KDM2B: variants seen among roughly 807,000 people sequenced by gnomAD.
KDM2B encodes the protein lysine-specific demethylase 2B.
Under a neutral mutation model 150.0 loss-of-function variants are expected in KDM2B, and 26 were observed. That is an observed-to-expected ratio of 0.17 (90% CI 0.13 to 0.24). The LOEUF (loss-of-function observed/expected upper bound fraction) is 0.24, where lower values mean the gene tolerates loss of function less well. Among genes scored for constraint, KDM2B ranks in the 10% least tolerant of loss-of-function variants. The probability of loss-of-function intolerance (pLI) is 1.00; values close to 1 mark genes in which losing one functional copy is unlikely to be tolerated. For synonymous variants in KDM2B, 734 were observed against 729.5 expected, an observed-to-expected ratio of 1.01 and a Z score of -0.10; for missense variants, 1,265 against 1,816.9, an observed-to-expected ratio of 0.70 and a Z score of 5.52.
At position 121,430,133 on chromosome 12, in the gene KDM2B, G is replaced by A. The variant is rs879988836; in HGVS notation, c.*155C>T. ...GTGTCGGCTCACTCATCCCCCAAAC[G>A]GGTGGTTGAACAGCTTCTCCCTTGG... is the stretch of plus-strand genomic sequence containing the variant. On this transcript the variant is annotated 3_prime_UTR_variant, in exon 23 of 23. Transcript: ENST00000377071. The surrounding 1 kb of genome is among the most constrained non-coding windows in gnomAD (Gnocchi z 4.4). 1.6e-5 allele frequency: 26 copies of A among 1,613,638 alleles called. No individual in the cohort carries two copies. Among genetic ancestry groups the A allele is most frequent in the Admixed American group, 1.0e-4 (6 of 59,996 alleles).
At chr12:121,470,253 AAC>A (rs1880627993) in intron 12 of KDM2B, 1 of 152,182 alleles carries the variant, frequency 6.6e-6, no homozygotes, top group Non-Finnish European at 1.5e-5. Context: ...GAAGTAAAAA[AAC>A]ACAATTCTCA....
chr12:121,465,922 T>C (rs1879838795), intron 12 of KDM2B, among the ~76,000 whole-genome samples: 1 of 152,134 alleles, frequency 6.6e-6, no homozygotes, highest in African/African-American at 2.4e-5. Flanking sequence ...TTAATAAAAG[T>C]TCAAGCCAAA....
At chr12:121,543,073 C>A (rs1168838894) in intron 6 of KDM2B, among the ~76,000 whole-genome samples, 1 of 152,172 alleles carries the variant, frequency 6.6e-6, no homozygotes, top group South Asian at 2.1e-4. Context: ...TGAGGCCCGG[C>A]GCAGTGGGTC....
chr12:121,416,184 C>T, the KDM2B span: 2 of 1,614,102 alleles, frequency 1.2e-6, no homozygotes, highest in Admixed American at 1.7e-5. Context: ...ATGTGGGCTT[C>T]GTGCTGTGGG....
intron 12 of KDM2B, among the ~76,000 whole-genome samples, chr12:121,471,070 ATC>A (rs1441766409): frequency 2.0e-5 from 3 of 152,250 alleles, no homozygotes; most frequent in African/African-American, 4.8e-5. Flanking sequence ...ATTATCCAAT[ATC>A]TGTTTTGTAT....
chr12:121,500,657 G>T (rs1050525333), intron 11 of KDM2B, among the ~76,000 whole-genome samples: 5 of 152,200 alleles, frequency 3.3e-5, no homozygotes, highest in Admixed American at 1.3e-4. Flanking sequence ...TCCTGCTCTG[G>T]GGAACCAGCA....
At chr12:121,527,528 C>T (rs1887255076) in intron 8 of KDM2B, among the ~76,000 whole-genome samples, 2 of 150,378 alleles carry the variant, frequency 1.3e-5, no homozygotes, top group African/African-American at 4.9e-5. Flanking sequence ...GTGGCAGGCG[C>T]CTGTAGTCCC....
chr12:121,434,922 A>C (rs1555286397), intron 22 of KDM2B, among the ~76,000 whole-genome samples: 1 of 152,172 alleles, frequency 6.6e-6, no homozygotes, highest in Non-Finnish European at 1.5e-5. Context: ...GCACCACTGC[A>C]CTCAAACCTG....
intron 22 of KDM2B, among the ~76,000 whole-genome samples, chr12:121,434,867 G>T (rs1298219107): frequency 1.3e-5 from 2 of 152,190 alleles, no homozygotes; most frequent in Non-Finnish European, 2.9e-5. Context: ...TGAGGCATGA[G>T]AATCACATGA....
chr12:121,444,291 AGAAT>A lies in KDM2B; in HGVS notation c.2191-23_2191-20del. On this transcript the variant is annotated intron_variant, in intron 15 of 22. Transcript: ENST00000377071. ...GCTTTTGCTTGTAGGCCAAAAAGAG[AGAAT>A]GAACAGACCAACTGTATACCTTTGG... 1 of 1,613,208 alleles carries A rather than the reference AGAAT, an allele frequency of 6.2e-7. No individual in the cohort carries two copies. The highest frequency in any genetic ancestry group is 8.5e-7 in the Non-Finnish European group (1 of 1,179,568).
chr12:121,439,185 C>G (rs1047419462), intron 22 of KDM2B, among the ~76,000 whole-genome samples: 22 of 152,262 alleles, frequency 1.4e-4, no homozygotes, highest in African/African-American at 5.1e-4. Flanking sequence ...AACCAAGCTC[C>G]CTCCTGCCCA....
At chr12:121,494,513 T>C in intron 12 of KDM2B, 66 bp downstream of exon 12, 2 of 1,296,176 alleles carry the variant, frequency 1.5e-6, no homozygotes, top group Admixed American at 1.9e-5. Context: ...GTCGCGGCTG[T>C]TCACCCTACA....
intron 12 of KDM2B, among the ~76,000 whole-genome samples, chr12:121,485,514 T>C (rs1882656289): frequency 6.6e-6 from 1 of 152,098 alleles, no homozygotes; most frequent in African/African-American, 2.4e-5. Flanking sequence ...ACTGATCCAC[T>C]GTTATGAGAC....
Position 121,513,134 on chromosome 12 carries a change from C to T in KDM2B, c.1174+142G>A. The T allele has an allele frequency of 1.1e-6, 1 of 915,706 alleles. No homozygotes were observed. Among genetic ancestry groups the T allele is most frequent in the Non-Finnish European group, 1.6e-6 (1 of 615,848 alleles). The allele number at this position is 915,706 out of a possible 1,614,324, so 56.7% of individuals were successfully genotyped here. ...TGGGAAACTGGCAAGAATGGCTTCC[C>T]CTGAGGGGTTCCTAGGATTCTGCCC... On this transcript the variant is annotated intron_variant, in intron 10 of 22. Transcript: ENST00000377071. This position sits in a 1 kb window ranked among gnomAD's most constrained non-coding sequence, Gnocchi z 5.0.
chr12:121,518,135 C>T lies in KDM2B; in HGVS notation c.1047+2850G>A, dbSNP rs1214146336. Among the ~76,000 whole-genome samples the T allele has an allele frequency of 1.3e-5, 2 of 152,130 alleles. No individual in the cohort carries two copies. The highest frequency in any genetic ancestry group is 1.3e-4 in the Admixed American group (2 of 15,276). On this transcript the variant is annotated intron_variant, in intron 9 of 22. Coordinates refer to ENST00000377071, the MANE Select transcript of KDM2B (RefSeq NM_032590.5). This position sits in a 1 kb window ranked among gnomAD's most constrained non-coding sequence, Gnocchi z 4.4. ...CTCGAACCCCTGACCTCAGATCATC[C>T]GCCCGCCTTGGCCTCCCAAAGTGCT...
chr12:121,428,736 T>A (rs1382023042), downstream of KDM2B, among the ~76,000 whole-genome samples: 7 of 152,344 alleles, frequency 4.6e-5, no homozygotes, highest in Admixed American at 3.3e-4. Context: ...GGTTTCTGCA[T>A]CTGCCACTTG....
intron 11 of KDM2B, among the ~76,000 whole-genome samples, chr12:121,504,608 G>A (rs886765130): frequency 2.0e-5 from 3 of 152,120 alleles, no homozygotes; most frequent in Admixed American, 6.6e-5. Context: ...AAGCAGATTC[G>A]CAGTGAAGAG....
chr12:121,579,098 G>T (rs1288360143), intron 1 of KDM2B, 152 bp from the exon 2 acceptor site: 25 of 836,462 alleles, frequency 3.0e-5, no homozygotes, highest in Non-Finnish European at 4.4e-5. Flanking sequence ...TGCCAAAGAT[G>T]CTGAAAAGCA....
At chr12:121,523,815 C>T (rs1331507521) in intron 8 of KDM2B, among the ~76,000 whole-genome samples, 21 of 152,238 alleles carry the variant, frequency 1.4e-4, no homozygotes, top group Admixed American at 1.1e-3. Context: ...GGGTCTCTGG[C>T]GTGAGCCATG....
Sources: gnomAD v4.1 joint callset for allele counts (sites outside exome capture counted in the v4.1 genomes callset) on GRCh38, gnomAD v4.1.1 for gene constraint, Gnocchi (gnomAD v3.1) non-coding constraint, MANE v1.5 for transcripts, NCBI Gene and HGNC (gene_info 2026-07-23, HGNC 2026-07-21) for gene names.